The following SLCO5A1 variants were observed in gnomAD, a reference collection of about 807,000 sequenced individuals.
The protein encoded by SLCO5A1 is solute carrier organic anion transporter family member 5A1, also known as organic anion transporter polypeptide-related protein 4.
Under a neutral mutation model 65.1 loss-of-function variants are expected in SLCO5A1, and 39 were observed. That is an observed-to-expected ratio of 0.60 (90% CI 0.46 to 0.78). SLCO5A1 has a LOEUF of 0.78. SLCO5A1 is among the 30% of genes least tolerant of loss of function. The pLI, the probability that SLCO5A1 is intolerant of heterozygous loss-of-function variation, is 0.00. For synonymous variants in SLCO5A1, 438 were observed against 415.7 expected, an observed-to-expected ratio of 1.05 and a Z score of -0.65; for missense variants, 1,029 against 1,069.4, an observed-to-expected ratio of 0.96 and a Z score of 0.53.
chr8:69,824,188 T>C (rs538587324), intron 2 of SLCO5A1, among the ~76,000 whole-genome samples: 3,125 of 151,700 alleles, frequency 0.021, 50 homozygotes, highest in Middle Eastern at 0.068. Context: ...AGATCCAAAA[T>C]TGACACCCTA....
Position 69,672,356 on chromosome 8 carries a change from G to A in SLCO5A1, c.*513C>T, listed in dbSNP as rs1813360697. 6.2e-6 allele frequency: 1 copy of A among 161,618 alleles called. No individual in the cohort carries two copies. The highest frequency in any genetic ancestry group is 2.4e-5 in the African/African-American group (1 of 41,480). The allele number at this position is 161,618 out of a possible 1,614,324, so 10.0% of individuals were successfully genotyped here. ...GCTTCCTCTTTTCAGAAACATATCTGCTTTATTCCGTGAAAGTAAATGTAA... is the reference window on the plus strand; with the variant it reads ...GCTTCCTCTTTTCAGAAACATATCTACTTTATTCCGTGAAAGTAAATGTAA... On this transcript the variant is annotated 3_prime_UTR_variant, in exon 10 of 10. Transcript: ENST00000260126.
intron 5 of SLCO5A1, among the ~76,000 whole-genome samples, chr8:69,716,561 G>A (rs974192256): frequency 4.6e-5 from 7 of 152,252 alleles, no homozygotes; most frequent in Non-Finnish European, 7.4e-5. Context: ...TTGCATATCC[G>A]TGATAACTAA....
At chr8:69,809,649 C>A (rs1332545511) in intron 2 of SLCO5A1, among the ~76,000 whole-genome samples, 1 of 151,698 alleles carries the variant, frequency 6.6e-6, no homozygotes, top group Non-Finnish European at 1.5e-5. Context: ...ATTATTATGC[C>A]AACTTTATTA....
intron 5 of SLCO5A1, among the ~76,000 whole-genome samples, chr8:69,729,821 G>T (rs952830388): frequency 6.6e-6 from 1 of 152,094 alleles, no homozygotes; most frequent in African/African-American, 2.4e-5. Context: ...CTATGATCAA[G>T]ATGAAAATAG....
chr8:69,704,201 A>G (rs1814869480), intron 6 of SLCO5A1, among the ~76,000 whole-genome samples: 1 of 151,290 alleles, frequency 6.6e-6, no homozygotes, highest in African/African-American at 2.5e-5. Context: ...TGCACCAGCC[A>G]TGAGCCTTTT....
chr8:69,675,822 A>G (rs1346181539), intron 9 of SLCO5A1, among the ~76,000 whole-genome samples: 4 of 152,228 alleles, frequency 2.6e-5, no homozygotes, highest in African/African-American at 9.7e-5. Context: ...AGGAGAAAAT[A>G]ACAGCTGAAG....
At chr8:69,752,639 C>A (rs1433465634) in intron 4 of SLCO5A1, among the ~76,000 whole-genome samples, 1 of 151,900 alleles carries the variant, frequency 6.6e-6, no homozygotes, top group Non-Finnish European at 1.5e-5. Flanking sequence ...GCATTTTTAG[C>A]AAAAACATTT....
rs149415318 is a variant in SLCO5A1, at chr8:69,783,525, A to C, written c.908-21650T>G. ...TTTTAATTTTAAATTTTAATTTTTA[A>C]ATTTTAAAAATTAAAAAAGGTATCT... On this transcript the variant is annotated intron_variant, in intron 2 of 9. Coordinates refer to ENST00000260126, the MANE Select transcript of SLCO5A1 (RefSeq NM_030958.3). 2.9e-3 allele frequency among the ~76,000 whole-genome samples: 442 copies of C among 152,044 alleles called. 3 individuals are homozygous for C. The highest frequency in any genetic ancestry group is 8.3e-3 in the African/African-American group (343 of 41,556).
At chr8:69,819,340 C>G (rs1023722959) in intron 2 of SLCO5A1, among the ~76,000 whole-genome samples, 2 of 151,926 alleles carry the variant, frequency 1.3e-5, no homozygotes, top group African/African-American at 4.8e-5. Flanking sequence ...ACCGCCACCC[C>G]CTACTCCACA....
chr8:69,749,157 A>G (rs1817167027), intron 4 of SLCO5A1, among the ~76,000 whole-genome samples: 1 of 152,174 alleles, frequency 6.6e-6, no homozygotes, highest in East Asian at 1.9e-4. Flanking sequence ...ACACCTAGCA[A>G]AGGAGCATAT....
intron 6 of SLCO5A1, among the ~76,000 whole-genome samples, chr8:69,686,855 A>C (rs1250497777): frequency 6.6e-6 from 1 of 152,178 alleles, no homozygotes; most frequent in Non-Finnish European, 1.5e-5. Flanking sequence ...AGTGTTCCTG[A>C]GTGTGAGTCG....
chr8:69,697,465 G>A (rs1189554585), intron 6 of SLCO5A1, among the ~76,000 whole-genome samples: 1 of 152,066 alleles, frequency 6.6e-6, no homozygotes, highest in African/African-American at 2.4e-5. Context: ...AGACAGAGGG[G>A]ACAAAAGCAA....
chr8:69,802,737 TGCCTGGAG>T (rs1819804313), intron 2 of SLCO5A1, among the ~76,000 whole-genome samples: 1 of 152,120 alleles, frequency 6.6e-6, no homozygotes, highest in South Asian at 2.1e-4. Context: ...GCCACTCCTC[TGCCTGGAG>T]GCCTCATCTC....
At chr8:69,831,456 C>G (rs1329358393) in intron 2 of SLCO5A1, among the ~76,000 whole-genome samples, 1 of 152,078 alleles carries the variant, frequency 6.6e-6, no homozygotes, top group Non-Finnish European at 1.5e-5. Context: ...AGAATATAAA[C>G]TTGACAAATT....
At chr8:69,687,155 C>T (rs2959588) in intron 6 of SLCO5A1, among the ~76,000 whole-genome samples, 93,579 of 152,024 alleles carry the variant, frequency 0.62, 30,131 homozygotes, top group African/African-American at 0.82. Flanking sequence ...GATAAAATAG[C>T]TTTTAAATTT....
chr8:69,705,359 G>A, intron 5 of SLCO5A1, 130 bp from the exon 6 acceptor site: 2 of 717,198 alleles, frequency 2.8e-6, no homozygotes, highest in Non-Finnish European at 2.3e-6. Flanking sequence ...CATCTTCATT[G>A]TGTGTGATTT....
chr8:69,766,837 C>T (rs1818080610), intron 2 of SLCO5A1, among the ~76,000 whole-genome samples: 1 of 152,180 alleles, frequency 6.6e-6, no homozygotes, highest in Non-Finnish European at 1.5e-5. Flanking sequence ...ACTGCTATGT[C>T]CCCAGTGCCC....
At chr8:69,798,978 G>A (rs181113081) in intron 2 of SLCO5A1, among the ~76,000 whole-genome samples, 19 of 152,192 alleles carry the variant, frequency 1.2e-4, no homozygotes, top group Admixed American at 9.8e-4. Context: ...TATATTGCAG[G>A]GCTCAGACTA....
rs73285573 is a variant in SLCO5A1, at chr8:69,742,249, A to G, written c.1259-4045T>C. 6.0e-3 allele frequency among the ~76,000 whole-genome samples: 910 copies of G among 152,366 alleles called. 12 individuals are homozygous for G. The highest frequency in any genetic ancestry group is 0.02 in the African/African-American group (841 of 41,590). ...AAAATTTAGAAGACTAAGTTAGCAA[A>G]GAAGTTGTTAAACCTTCCTAAATTT... On this transcript the variant is annotated intron_variant, in intron 4 of 9. Transcript: ENST00000260126.
Sources: gnomAD v4.1 joint callset for allele counts (sites outside exome capture counted in the v4.1 genomes callset) on GRCh38, gnomAD v4.1.1 for gene constraint, MANE v1.5 for transcripts, NCBI Gene and HGNC (gene_info 2026-07-23, HGNC 2026-07-21) for gene names.